ST7: variants seen among roughly 807,000 people sequenced by gnomAD.
The protein encoded by ST7 is suppressor of tumorigenicity 7 protein.
A neutral mutation model predicts 78.7 loss-of-function variants in ST7; 28 were observed. The observed-to-expected ratio is 0.36, with a 90% CI of 0.26 to 0.49. The LOEUF (loss-of-function observed/expected upper bound fraction) is 0.49. Ranked by LOEUF, ST7 falls within the 20% of genes least tolerant of loss-of-function variation. The pLI is 0.99. For missense variants in ST7, 418 were observed against 696.0 expected (o/e 0.60, Z 4.49); for synonymous variants, 247 against 249.6 (o/e 0.99, Z 0.10).
chr7:117,196,049 T>C (rs1277092123), intron 12 of ST7, among the ~76,000 whole-genome samples: 2 of 152,248 alleles, frequency 1.3e-5, no homozygotes, highest in Non-Finnish European at 2.9e-5. Context: ...TTAGTTAGCA[T>C]AATGTCCTCA....
At chr7:116,987,381 G>A (rs1794232774) in intron 1 of ST7, among the ~76,000 whole-genome samples, 1 of 152,118 alleles carries the variant, frequency 6.6e-6, no homozygotes, top group Non-Finnish European at 1.5e-5. Context: ...TGGGCCTTTG[G>A]GCCTGCTGTG....
intron 3 of ST7, among the ~76,000 whole-genome samples, chr7:117,128,809 C>T (rs937952116): frequency 2.0e-5 from 3 of 151,834 alleles, no homozygotes; most frequent in Non-Finnish European, 2.9e-5. Flanking sequence ...TGAATCACCA[C>T]GTGGCCTTCA....
At chr7:117,080,012 G>A (rs1460574683) in intron 1 of ST7, among the ~76,000 whole-genome samples, 2 of 110,542 alleles carry the variant, frequency 1.8e-5, no homozygotes, top group East Asian at 2.9e-4. Context: ...ACGGAGTCTC[G>A]CTCTGTCGCC....
chr7:117,198,278 A>C (rs770078958), intron 12 of ST7: 1 of 454,894 alleles, frequency 2.2e-6, no homozygotes, highest in Non-Finnish European at 4.4e-6. Flanking sequence ...CCCCTTCGTT[A>C]TCTCTTCCTT....
chr7:117,136,815 A>G (rs1307995542), intron 8 of ST7: 1 of 152,858 alleles, frequency 6.5e-6, no homozygotes, highest in Non-Finnish European at 1.5e-5. Context: ...ACGCCTTTTT[A>G]AATTTAAGAT....
intron 1 of ST7, among the ~76,000 whole-genome samples, chr7:116,966,432 G>A (rs1053107233): frequency 6.6e-6 from 1 of 151,738 alleles, no homozygotes; most frequent in Non-Finnish European, 1.5e-5. Context: ...TTTATTTTTA[G>A]TAGAGACGAT....
chr7:117,027,478 T>TAAAGTAAAGTAAAGTAAAGTAAAGTAA (rs1554427221), intron 1 of ST7, among the ~76,000 whole-genome samples: 1 of 141,404 alleles, frequency 7.1e-6, no homozygotes, highest in African/African-American at 3.1e-5. Flanking sequence ...TAAAGTAAAG[T>TAAAGTAAAGTAAAGTAAAGTAAAGTAA]AAAGTAAAGT....
intron 1 of ST7, among the ~76,000 whole-genome samples, chr7:117,080,346 A>T (rs957970444): frequency 6.6e-6 from 1 of 152,114 alleles, no homozygotes; most frequent in African/African-American, 2.4e-5. Flanking sequence ...ACACACACTT[A>T]TATAATTTGC....
intron 9 of ST7, among the ~76,000 whole-genome samples, chr7:117,166,880 C>T (rs1057280701): frequency 4.8e-5 from 7 of 147,156 alleles, no homozygotes; most frequent in Non-Finnish European, 1.0e-4. Context: ...CAGAGCCAGA[C>T]TCTGTCTCTC....
Position 117,209,842 on chromosome 7 carries a change from G to T in ST7, c.1310G>T (p.Gly437Val). The change falls in exon 13 of 16, where the codon GGA (glycine) becomes GTA (valine). Residue 437 changes from glycine to valine, a missense_variant. Gly to Val is a moderately radical substitution (Grantham distance 109, BLOSUM62 -3). Transcript: ENST00000323984. ...CCCCCAGAACATATCCTGAAGAGAG[G>T]AGACAGTGAAGCAATAGCATATGCA... ...ILPPEHILKR[G>V]DSEAIAYAFF... 1 of 1,614,108 alleles carries T rather than the reference G, an allele frequency of 6.2e-7. No homozygotes were observed. Among genetic ancestry groups the T allele is most frequent in the Non-Finnish European group, 8.5e-7 (1 of 1,180,004 alleles).
chr7:117,086,283 G>T (rs931909214), intron 1 of ST7, among the ~76,000 whole-genome samples: 2 of 152,154 alleles, frequency 1.3e-5, no homozygotes, highest in Admixed American at 6.5e-5. Context: ...TGGGCCAGAG[G>T]TACCTTCTGA....
At chr7:117,042,449 T>C (rs1797276893) in intron 1 of ST7, among the ~76,000 whole-genome samples, 1 of 152,234 alleles carries the variant, frequency 6.6e-6, no homozygotes, top group East Asian at 1.9e-4. Context: ...ATCCAATTTA[T>C]ACTGTTTTAT....
At chr7:117,220,631 A>G (rs896063548) in intron 14 of ST7, among the ~76,000 whole-genome samples, 1 of 152,264 alleles carries the variant, frequency 6.6e-6, no homozygotes, top group African/African-American at 2.4e-5. Flanking sequence ...TATGGCTCAC[A>G]TTAATTGAAT....
chr7:117,202,962 A>T (rs1188169795), intron 12 of ST7, among the ~76,000 whole-genome samples: 1 of 152,236 alleles, frequency 6.6e-6, no homozygotes, highest in African/African-American at 2.4e-5. Flanking sequence ...GGCCCTGCAG[A>T]ACCGAACAGA....
At chr7:117,096,506 T>G (rs1801054651) in intron 1 of ST7, among the ~76,000 whole-genome samples, 1 of 152,246 alleles carries the variant, frequency 6.6e-6, no homozygotes. Context: ...CTTTTGTGCT[T>G]TTTTTGCTGA....
At chr7:117,184,782 C>T (rs754065537) in intron 10 of ST7, among the ~76,000 whole-genome samples, 2 of 152,032 alleles carry the variant, frequency 1.3e-5, no homozygotes, top group Non-Finnish European at 2.9e-5. Context: ...TGAAAATGAA[C>T]AAGGTCTGTA....
At chr7:117,140,691 T>C (rs1805209759) in intron 9 of ST7, among the ~76,000 whole-genome samples, 1 of 152,158 alleles carries the variant, frequency 6.6e-6, no homozygotes, top group Non-Finnish European at 1.5e-5. Flanking sequence ...TATATATGCG[T>C]GTTTCTTATA....
chr7:116,961,443 C>T (rs1358712398), intron 1 of ST7, among the ~76,000 whole-genome samples: 2 of 151,946 alleles, frequency 1.3e-5, no homozygotes, highest in Non-Finnish European at 2.9e-5. Flanking sequence ...TCTTCCTATC[C>T]GTGAGCATGG....
intron 9 of ST7, among the ~76,000 whole-genome samples, chr7:117,140,369 A>G (rs951848818): frequency 1.3e-5 from 2 of 152,060 alleles, no homozygotes; most frequent in Non-Finnish European, 2.9e-5. Context: ...ACTTATTAAT[A>G]CCTTTTATGT....
Sources: gnomAD v4.1 joint callset for allele counts (sites outside exome capture counted in the v4.1 genomes callset) on GRCh38, gnomAD v4.1.1 for gene constraint, MANE v1.5 for transcripts, NCBI Gene and HGNC (gene_info 2026-07-23, HGNC 2026-07-21) for gene names.